The following MED26 variants were observed in gnomAD, a reference collection of about 807,000 sequenced individuals.
MED26 encodes the protein mediator of RNA polymerase II transcription subunit 26.
MED26 carries 7 observed loss-of-function variants against 43.7 expected under a neutral mutation model. The ratio of observed to expected loss-of-function variants is 0.16; its 90% CI spans 0.09 to 0.30. MED26 has a LOEUF of 0.30. MED26 is among the 10% of genes least tolerant of loss of function. MED26 has a pLI of 1.00. For missense variants in MED26, 784 were observed against 840.6 expected, an observed-to-expected ratio of 0.93 and a Z score of 0.83; for synonymous variants, 375 against 371.1, an observed-to-expected ratio of 1.01 and a Z score of -0.12.
chr19:16,619,404 C>G (rs369120101), intron 1 of MED26, among the ~76,000 whole-genome samples: 5 of 152,158 alleles, frequency 3.3e-5, no homozygotes, highest in African/African-American at 1.2e-4. Context: ...CTGGGGGGAA[C>G]GAGGATGTGG....
Position 16,576,576 on chromosome 19 carries a change from G to A in MED26, c.1254C>T (p.Val418=). 1 of 1,614,184 alleles carries A rather than the reference G, an allele frequency of 6.2e-7. No individual in the cohort carries two copies. Among genetic ancestry groups the A allele is most frequent in the Non-Finnish European group, 8.5e-7 (1 of 1,180,036 alleles). ...GQVAEAGVKP[V]RLKERKLTFD... ...AGGTGAGCTTCCGCTCTTTTAACCG[G>A]ACAGGCTTGACGCCCGCCTCAGCCA... is the stretch of plus-strand genomic sequence containing the variant. Residue 418 remains valine, a synonymous_variant, in exon 3 of 3, where the codon GTC becomes GTT. Transcript: ENST00000263390. The surrounding 1 kb of genome is among the most constrained non-coding windows in gnomAD (Gnocchi z 6.8).
Position 16,586,908 on chromosome 19 carries a change from T to G in MED26, c.73-8499A>C, listed in dbSNP as rs2086073252. 1 of 150,176 alleles carries G rather than the reference T, an allele frequency of 6.7e-6. No homozygotes were observed. The highest frequency in any genetic ancestry group is 1.5e-5 in the Non-Finnish European group (1 of 67,682). The allele number at this position is 150,176 out of a possible 1,614,324, so 9.3% of individuals were successfully genotyped here. A position where few individuals can be genotyped will look rare whatever the true frequency, so the allele number is the denominator to read the frequency against. ...TTTAAAAACAACAATGGGGATGTTG[T>G]CGGGTTTTTTTTTTTTTTTTAATGC... On this transcript the variant is annotated intron_variant, in intron 1 of 2. Coordinates refer to ENST00000263390, the MANE Select transcript of MED26 (RefSeq NM_004831.5). The surrounding 1 kb of genome is among the most constrained non-coding windows in gnomAD (Gnocchi z 5.1).
chr19:16,582,360 C>T (rs932855522), intron 1 of MED26, among the ~76,000 whole-genome samples: 2 of 152,182 alleles, frequency 1.3e-5, no homozygotes, highest in African/African-American at 4.8e-5. Flanking sequence ...GGAATCCCTG[C>T]AAAGGGCCTG....
At chr19:16,605,992 CCCCTTCTT>C (rs2086170991) in intron 1 of MED26, among the ~76,000 whole-genome samples, 1 of 152,230 alleles carries the variant, frequency 6.6e-6, no homozygotes, top group African/African-American at 2.4e-5. Context: ...GGCCAGTTTT[CCCCTTCTT>C]CCTTCACTCA....
At chr19:16,626,015 G>T (rs923582503) in intron 1 of MED26, among the ~76,000 whole-genome samples, 9 of 152,150 alleles carry the variant, frequency 5.9e-5, no homozygotes, top group Non-Finnish European at 1.3e-4. Flanking sequence ...TAGCATTTCT[G>T]CATGTGCTAA....
chr19:16,606,341 G>A (rs925055078), intron 1 of MED26, among the ~76,000 whole-genome samples: 47 of 152,116 alleles, frequency 3.1e-4, no homozygotes, highest in African/African-American at 1.0e-3. Flanking sequence ...ACCTGAGGTC[G>A]GGAGTTCAAG....
chr19:16,625,725 T>C (rs1301075517), intron 1 of MED26, among the ~76,000 whole-genome samples: 1 of 152,116 alleles, frequency 6.6e-6, no homozygotes, highest in Non-Finnish European at 1.5e-5. Flanking sequence ...CATGCCCGGC[T>C]CTCACCATCA....
Position 16,576,937 on chromosome 19 carries a change from G to T in MED26, c.893C>A (p.Pro298His). ...TGCCTGGGGCCGCGGTGAGGGGCTG[G>T]GCACGGAGCCCTTGGGTGCATACAA... ...QSLYAPKGSV[P>H]SPSPRPQALD... is the part of the protein sequence containing the mutation. Residue 298 changes from proline (P) to histidine (H), a missense_variant, in exon 3 of 3, where the codon CCC becomes CAC. Physicochemically the swap from Pro to His is moderately conservative, Grantham distance 77. Transcript: ENST00000263390. This position sits in a 1 kb window ranked among gnomAD's most constrained non-coding sequence, Gnocchi z 6.8. 6.3e-7 allele frequency: 1 copy of T among 1,595,662 alleles called. No individual in the cohort carries two copies. Among genetic ancestry groups the T allele is most frequent in the Non-Finnish European group, 8.6e-7 (1 of 1,169,314 alleles).
chr19:16,577,512 CCCGTTGGCAGAG>C lies in MED26; in HGVS notation c.306_317del (p.Ser103_Gly106del), dbSNP rs761716046. ...CCTCCGGCCGGCAGTTGTGTGCGCC[CCCGTTGGCAGAG>C]CCGGTGGCCCCCGCCAGCCCCCGCA... On this transcript the variant is annotated inframe_deletion, in exon 3 of 3. Transcript: ENST00000263390. The surrounding 1 kb of genome is among the most constrained non-coding windows in gnomAD (Gnocchi z 8.1). 6 of 1,600,444 alleles carry C rather than the reference CCCGTTGGCAGAG, an allele frequency of 3.7e-6. No individual in the cohort carries two copies. In the Admixed American group the frequency reaches 8.4e-5, roughly 22 times the overall value.
At chr19:16,596,893 C>T (rs1220954671) in intron 1 of MED26, among the ~76,000 whole-genome samples, 4 of 152,232 alleles carry the variant, frequency 2.6e-5, no homozygotes, top group Non-Finnish European at 5.9e-5. Context: ...TGCCACAGCC[C>T]CAAAGTTGCA....
chr19:16,581,454 C>T (rs1239299707), intron 1 of MED26, among the ~76,000 whole-genome samples: 1 of 152,214 alleles, frequency 6.6e-6, no homozygotes, highest in Admixed American at 6.5e-5. Context: ...CATGGCTTCA[C>T]CTCCACCCTG....
At chr19:16,580,438 G>A (rs1181957986) in intron 1 of MED26, among the ~76,000 whole-genome samples, 3 of 151,532 alleles carry the variant, frequency 2.0e-5, no homozygotes, top group Non-Finnish European at 2.9e-5. Flanking sequence ...GCACGATCTC[G>A]GCTCACTGCA....
In MED26 at chr19:16,577,418, C is replaced by G; in HGVS notation, c.412G>C (p.Gly138Arg). 6.2e-7 allele frequency: 1 copy of G among 1,601,100 alleles called. No homozygotes were observed. The highest frequency in any genetic ancestry group is 8.5e-7 in the Non-Finnish European group (1 of 1,172,454). The part of the protein sequence containing the change: ...KSRNDLQRLP[G>R]QRLDRLGSRK... ...CTGCCCAGCCTGTCCAGCCGCTGCC[C>G]GGGCAGCCTCTGGAGGTCATTGCGG... Residue 138 changes from glycine to arginine, a missense_variant, in exon 3 of 3, where the codon GGG (glycine) becomes CGG (arginine). Physicochemically the swap from Gly to Arg is moderately radical, Grantham distance 125. Around this residue, in one of 3 missense-constraint regions of MED26, gnomAD observed 719 missense variants for 730.9 expected, o/e 0.98. Transcript: ENST00000263390. The surrounding 1 kb of genome is among the most constrained non-coding windows in gnomAD (Gnocchi z 8.1).
intron 1 of MED26, among the ~76,000 whole-genome samples, chr19:16,591,262 CT>C (rs904008990): frequency 6.6e-6 from 1 of 151,886 alleles, no homozygotes; most frequent in Admixed American, 6.6e-5. Flanking sequence ...GGGGAGGCTC[CT>C]TCTCTCCTCA....
At position 16,612,834 on chromosome 19, in the gene MED26, T is replaced by C. The variant is rs572395783; in HGVS notation, c.72+15038A>G. 2.3e-4 allele frequency among the ~76,000 whole-genome samples: 35 copies of C among 152,282 alleles called. 1 individual carries two copies. The highest frequency in any genetic ancestry group is 1.5e-3 in the Admixed American group (23 of 15,292). On this transcript the variant is annotated intron_variant, in intron 1 of 2. Transcript: ENST00000263390. ...TTCTACAACCAATTTCTTCCTGTTTTCCCCCGAGGGAGCATTTAGAAATGT... is the reference window on the plus strand; with the variant it reads ...TTCTACAACCAATTTCTTCCTGTTTCCCCCCGAGGGAGCATTTAGAAATGT...
At chr19:16,617,922 G>A (rs12463196) in intron 1 of MED26, among the ~76,000 whole-genome samples, 1 of 152,044 alleles carries the variant, frequency 6.6e-6, no homozygotes, top group South Asian at 2.1e-4. Flanking sequence ...TTTCCGTCAC[G>A]GCCAGGCAAA....
At chr19:16,616,195 T>A (rs967351488) in intron 1 of MED26, among the ~76,000 whole-genome samples, 2 of 152,204 alleles carry the variant, frequency 1.3e-5, no homozygotes, top group African/African-American at 4.8e-5. Context: ...CCCAGGATGC[T>A]TCAGGCACAG....
intron 1 of MED26, chr19:16,597,599 CCT>C (rs756174650): frequency 8.6e-5 from 34 of 396,868 alleles, no homozygotes; most frequent in Non-Finnish European, 1.4e-4. Flanking sequence ...CTGAGTTCAC[CCT>C]CTCTCTCCTG....
chr19:16,588,302 G>C (rs1165052846), intron 1 of MED26: 1 of 152,220 alleles, frequency 6.6e-6, no homozygotes, highest in East Asian at 1.9e-4. Flanking sequence ...AACATCCTCG[G>C]GGGAAACACA....
Sources: gnomAD v4.1 joint callset for allele counts (sites outside exome capture counted in the v4.1 genomes callset) on GRCh38, gnomAD v4.1.1 for gene constraint, gnomAD v4.1.1 regional missense constraint, Gnocchi (gnomAD v3.1) non-coding constraint, MANE v1.5 for transcripts, NCBI Gene and HGNC (gene_info 2026-07-23, HGNC 2026-07-21) for gene names.